SNX24: variants seen among roughly 807,000 people sequenced by gnomAD.
SNX24 encodes the protein sorting nexin 24.
SNX24 carries 22 observed loss-of-function variants against 28.7 expected under a neutral mutation model. That is an observed-to-expected ratio of 0.77 (90% CI 0.55 to 1.10). SNX24 has a LOEUF of 1.10. Ranked by LOEUF, SNX24 falls within the 50% of genes least tolerant of loss-of-function variation. The probability of loss-of-function intolerance (pLI) is 0.00; values close to 1 mark genes in which losing one functional copy is unlikely to be tolerated. For synonymous variants in SNX24, 69 were observed against 71.5 expected (o/e 0.96, Z 0.18); for missense variants, 221 against 201.1 (o/e 1.10, Z -0.60).
intron 3 of SNX24, among the ~76,000 whole-genome samples, chr5:122,995,729 A>T (rs1762030416): frequency 6.6e-6 from 1 of 152,204 alleles, no homozygotes; most frequent in Non-Finnish European, 1.5e-5. Flanking sequence ...TTAATTTTGA[A>T]TTCTTGATGT....
chr5:122,852,112 A>G (rs2150031604), intron 1 of SNX24, among the ~76,000 whole-genome samples: 1 of 150,102 alleles, frequency 6.7e-6, no homozygotes, highest in African/African-American at 2.4e-5. Flanking sequence ...ACACATATCT[A>G]TCTATATCTA....
At chr5:122,868,316 T>G (rs1755812203) in intron 1 of SNX24, among the ~76,000 whole-genome samples, 1 of 152,102 alleles carries the variant, frequency 6.6e-6, no homozygotes, top group Non-Finnish European at 1.5e-5. Context: ...GCTTGATGGG[T>G]CAGATAACAC....
At chr5:122,918,091 TAAAC>T (rs1758259520) in intron 1 of SNX24, among the ~76,000 whole-genome samples, 1 of 151,800 alleles carries the variant, frequency 6.6e-6, no homozygotes, top group Non-Finnish European at 1.5e-5. Context: ...AAAATAATAA[TAAAC>T]AAATAAATAA....
In SNX24 at chr5:122,915,679, C is replaced by G. The variant is rs78349406; in HGVS notation, c.61-21055C>G. Among the ~76,000 whole-genome samples the G allele has an allele frequency of 6.3e-3, 965 of 152,270 alleles. 8 individuals carry two copies. Among genetic ancestry groups the G allele is most frequent in the East Asian group, 0.059 (304 of 5,178 alleles). On this transcript the variant is annotated intron_variant, in intron 1 of 6. Coordinates refer to ENST00000261369, the MANE Select transcript of SNX24 (RefSeq NM_014035.4). ...GCACATCTGATCATATCAGCTCCCA[C>G]TTAAAAATCATTGAGTGGCTTCTCC...
intron 3 of SNX24, among the ~76,000 whole-genome samples, chr5:122,970,499 C>T (rs867505034): frequency 3.9e-5 from 6 of 152,054 alleles, no homozygotes; most frequent in East Asian, 1.9e-4. Flanking sequence ...GACGGAGTCT[C>T]GCTCTGTCGC....
At chr5:122,908,559 A>G (rs1254470121) in intron 1 of SNX24, among the ~76,000 whole-genome samples, 1 of 152,244 alleles carries the variant, frequency 6.6e-6, no homozygotes, top group Non-Finnish European at 1.5e-5. Context: ...TATAGACTGT[A>G]TAAAATATAA....
intron 6 of SNX24, among the ~76,000 whole-genome samples, chr5:123,005,748 CCTT>C (rs1762401855): frequency 1.3e-5 from 2 of 152,122 alleles, no homozygotes; most frequent in South Asian, 4.1e-4. Context: ...ATTTTAATAT[CCTT>C]CTATGTGGGA....
intron 3 of SNX24, among the ~76,000 whole-genome samples, chr5:122,985,496 C>T (rs890336145): frequency 1.6e-4 from 25 of 152,206 alleles, no homozygotes; most frequent in Admixed American, 4.6e-4. Flanking sequence ...GTAAAGTGCT[C>T]TTGAGCTTAT....
At chr5:122,868,419 G>T (rs370466039) in intron 1 of SNX24, among the ~76,000 whole-genome samples, 1 of 152,110 alleles carries the variant, frequency 6.6e-6, no homozygotes, top group African/African-American at 2.4e-5. Flanking sequence ...CAGGGTAAGC[G>T]CTGTTTCTCA....
intron 3 of SNX24, among the ~76,000 whole-genome samples, chr5:122,997,454 A>G (rs3756357): frequency 0.83 from 125,774 of 152,170 alleles, 52,509 homozygotes; most frequent in Non-Finnish European, 0.87. Context: ...TGTTTGGGGA[A>G]GCTGAGCAGG....
intron 1 of SNX24, among the ~76,000 whole-genome samples, chr5:122,856,676 T>A (rs1372891230): frequency 1.3e-5 from 2 of 151,696 alleles, no homozygotes; most frequent in African/African-American, 4.8e-5. Context: ...CCAACATGCC[T>A]GGCTAATTTT....
At chr5:122,934,102 C>A (rs932485765) in intron 1 of SNX24, among the ~76,000 whole-genome samples, 26 of 152,118 alleles carry the variant, frequency 1.7e-4, no homozygotes, top group African/African-American at 5.6e-4. Flanking sequence ...AGAACAACCC[C>A]TGGGCTTCCT....
At chr5:122,924,124 G>A (rs1490464947) in intron 1 of SNX24, among the ~76,000 whole-genome samples, 1 of 152,152 alleles carries the variant, frequency 6.6e-6, no homozygotes, top group Non-Finnish European at 1.5e-5. Context: ...CCAGTGGATG[G>A]CTGAAACTAT....
rs548882852 is a variant in SNX24 at position 122,943,071 on chromosome 5, G to A, written c.145-2984G>A. 7.9e-5 allele frequency among the ~76,000 whole-genome samples: 12 copies of A among 152,200 alleles called. No homozygotes were observed. The South Asian group carries it at 2.5e-3, about 32-fold the overall frequency. ...AGTGAAACTTAAGCTTATTACCACA[G>A]AATAATTTAGCATTTTGGCCTTGTT... On this transcript the variant is annotated intron_variant, in intron 2 of 6. Transcript: ENST00000261369.
At chr5:122,950,924 C>T (rs1379105047) in intron 3 of SNX24, among the ~76,000 whole-genome samples, 2 of 152,016 alleles carry the variant, frequency 1.3e-5, no homozygotes, top group African/African-American at 4.8e-5. Flanking sequence ...TGGGGACTTT[C>T]CTGAGACTGG....
chr5:122,936,448 C>A (rs1759180518), intron 1 of SNX24, among the ~76,000 whole-genome samples: 1 of 151,960 alleles, frequency 6.6e-6, no homozygotes, highest in South Asian at 2.1e-4. Flanking sequence ...TCATTTTAAG[C>A]AAGAAATATT....
intron 1 of SNX24, among the ~76,000 whole-genome samples, chr5:122,926,157 C>T (rs1758685574): frequency 6.6e-6 from 1 of 152,090 alleles, no homozygotes; most frequent in Non-Finnish European, 1.5e-5. Context: ...AAAACATGAC[C>T]TGGAACAACA....
intron 3 of SNX24, among the ~76,000 whole-genome samples, chr5:122,950,007 C>G (rs1167748548): frequency 1.3e-5 from 2 of 152,072 alleles, no homozygotes; most frequent in Non-Finnish European, 2.9e-5. Context: ...AATCAATTAA[C>G]TATTATTATG....
Position 123,000,025 on chromosome 5 carries a change from T to C in SNX24, c.344+19T>C, listed in dbSNP as rs760583584. Reference sequence around the variant, plus strand: ...GTTGTGGGTAAGAATCATGTTTGCATATTGGATGTGTATTTTAAATTACTC... The same window carrying C: ...GTTGTGGGTAAGAATCATGTTTGCACATTGGATGTGTATTTTAAATTACTC... On this transcript the variant is annotated intron_variant, in intron 4 of 6. Coordinates refer to ENST00000261369, the MANE Select transcript of SNX24 (RefSeq NM_014035.4). The C allele has an allele frequency of 2.1e-6, 3 of 1,447,182 alleles. No homozygotes were observed. Among genetic ancestry groups the C allele is most frequent in the Middle Eastern group, 1.7e-4 (1 of 5,740 alleles). 89.6% of individuals were successfully genotyped at this position (1,447,182 alleles called of 1,614,324 possible). A position where few individuals can be genotyped will look rare whatever the true frequency, so the allele number is the denominator to read the frequency against.
Sources: gnomAD v4.1 joint callset for allele counts (sites outside exome capture counted in the v4.1 genomes callset) on GRCh38, gnomAD v4.1.1 for gene constraint, MANE v1.5 for transcripts, NCBI Gene and HGNC (gene_info 2026-07-23, HGNC 2026-07-21) for gene names.